Variants in MAP3K13 observed in about 807,000 individuals in gnomAD.
MAP3K13 encodes the protein leucine zipper-bearing kinase.
In MAP3K13, 52 loss-of-function variants were observed where a neutral mutation model predicts 104.0. The ratio of observed to expected loss-of-function variants is 0.50; its 90% confidence interval spans 0.40 to 0.63. The LOEUF is 0.63. Among genes scored for constraint, MAP3K13 ranks in the 20% least tolerant of loss-of-function variants. The pLI is 0.00. For synonymous variants in MAP3K13, 394 were observed against 442.2 expected (o/e 0.89, Z 1.37); for missense variants, 914 against 1,218.5 (o/e 0.75, Z 3.72).
rs1346362529 is a variant in MAP3K13, at chr3:185,455,805, TGA to T, written c.1278+4413_1278+4414del. 5.8e-5 allele frequency among the ~76,000 whole-genome samples: 7 copies of T among 121,508 alleles called. 1 individual carries two copies. The highest frequency in any genetic ancestry group is 2.2e-4 in the African/African-American group (7 of 32,542). 79.7% of individuals were successfully genotyped at this position (121,508 alleles called of 152,430 possible). A position where few individuals can be genotyped will look rare whatever the true frequency, so the allele number is the denominator to read the frequency against. ...ATATGAGATATATATATGAGATATATGAGATATATATATGAGATATATATGAG... is the reference window on the plus strand; with the variant it reads ...ATATGAGATATATATATGAGATATATGATATATATATGAGATATATATGAG... On this transcript the variant is annotated intron_variant, in intron 7 of 13. Transcript: ENST00000265026.
intron 1 of MAP3K13, among the ~76,000 whole-genome samples, chr3:185,284,023 C>A (rs1455991827): frequency 1.3e-5 from 2 of 151,522 alleles, no homozygotes; most frequent in Non-Finnish European, 2.9e-5. Flanking sequence ...CTCAGCCTCC[C>A]GAGTAGCTGG....
upstream of MAP3K13, among the ~76,000 whole-genome samples, chr3:185,359,739 C>G (rs892795595): frequency 2.6e-5 from 4 of 152,048 alleles, no homozygotes; most frequent in African/African-American, 4.8e-5. Flanking sequence ...GATTTGAGCC[C>G]AGATCTCTTT....
At chr3:185,335,665 T>C (rs1440713507) in intron 2 of MAP3K13, among the ~76,000 whole-genome samples, 10 of 152,232 alleles carry the variant, frequency 6.6e-5, no homozygotes, top group Non-Finnish European at 1.5e-5. Context: ...CCTATGCACA[T>C]CCTCTCATAT....
intron 1 of MAP3K13, among the ~76,000 whole-genome samples, chr3:185,411,395 C>G (rs887953584): frequency 6.6e-6 from 1 of 152,186 alleles, no homozygotes; most frequent in African/African-American, 2.4e-5. Flanking sequence ...GCACACAGTT[C>G]TAACATGTTT....
At chr3:185,416,915 G>A (rs1387960092) in intron 1 of MAP3K13, among the ~76,000 whole-genome samples, 1 of 151,564 alleles carries the variant, frequency 6.6e-6, no homozygotes, top group African/African-American at 2.4e-5. Context: ...GAGCCACCTT[G>A]CCCAGCTATA....
intron 2 of MAP3K13, among the ~76,000 whole-genome samples, chr3:185,295,682 A>T (rs567313310): frequency 1.5e-5 from 1 of 64,608 alleles, no homozygotes; most frequent in Non-Finnish European, 3.8e-5. Flanking sequence ...TCATTCTGTC[A>T]TAAATCACCC....
intron 2 of MAP3K13, among the ~76,000 whole-genome samples, chr3:185,321,188 T>G (rs557923100): frequency 1.4e-4 from 21 of 149,834 alleles, no homozygotes; most frequent in African/African-American, 4.5e-4. Context: ...CATATACACA[T>G]GTGTATATTA....
At chr3:185,455,493 T>C (rs1716517892) in intron 7 of MAP3K13, among the ~76,000 whole-genome samples, 1 of 52,496 alleles carries the variant, frequency 1.9e-5, no homozygotes, top group Non-Finnish European at 3.7e-5. Context: ...ATATGAGATA[T>C]ATACATGAGA....
intron 7 of MAP3K13, among the ~76,000 whole-genome samples, chr3:185,457,075 C>T (rs1181009915): frequency 2.0e-5 from 3 of 152,138 alleles, no homozygotes; most frequent in Non-Finnish European, 2.9e-5. Flanking sequence ...CTTCTGAAGC[C>T]AGTCACACAT....
At chr3:185,348,538 C>G (rs1723017527) in intron 2 of MAP3K13, among the ~76,000 whole-genome samples, 1 of 152,184 alleles carries the variant, frequency 6.6e-6, no homozygotes, top group South Asian at 2.1e-4. Context: ...GCAACACTAC[C>G]ATAGGGGACC....
chr3:185,313,269 GTT>G (rs34876743), intron 2 of MAP3K13, among the ~76,000 whole-genome samples: 12,433 of 116,706 alleles, frequency 0.11, 655 homozygotes, highest in East Asian at 0.21. Flanking sequence ...AATAGTACAA[GTT>G]TTTTTTTTTT....
chr3:185,352,867 TG>T (rs1239818161), intron 2 of MAP3K13, among the ~76,000 whole-genome samples: 1 of 152,238 alleles, frequency 6.6e-6, no homozygotes, highest in African/African-American at 2.4e-5. Flanking sequence ...CAGACTGGAT[TG>T]GAACCTATGA....
Position 185,455,716 on chromosome 3 carries a change from G to GATATATATATGAT in MAP3K13, c.1278+4329_1278+4330insATGATATATATAT, listed in dbSNP as rs375658483. On this transcript the variant is annotated intron_variant, in intron 7 of 13. Coordinates refer to ENST00000265026, the MANE Select transcript of MAP3K13 (RefSeq NM_004721.5). ...TGATATATATATGAGATATATATGA[G>GATATATATATGAT]ATATATATGATATATATATGAGATA... Among the ~76,000 whole-genome samples the GATATATATATGAT allele has an allele frequency of 1.2e-3, 13 of 10,908 alleles. 2 individuals carry two copies. The highest frequency in any genetic ancestry group is 1.8e-3 in the Admixed American group (1 of 562). The allele number at this position is 10,908 out of a possible 152,430, so 7.2% of individuals were successfully genotyped here. A position where few individuals can be genotyped will look rare whatever the true frequency, so the allele number is the denominator to read the frequency against.
rs759329343 is a variant in MAP3K13, at chr3:185,454,636, TGA to T, written c.1278+3244_1278+3245del. 9.7e-3 allele frequency among the ~76,000 whole-genome samples: 491 copies of T among 50,698 alleles called. 42 individuals are homozygous for T. Among genetic ancestry groups the T allele is most frequent in the African/African-American group, 0.022 (337 of 15,254 alleles). The allele number at this position is 50,698 out of a possible 152,430, so 33.3% of individuals were successfully genotyped here. The stretch of plus-strand genomic sequence containing the variant: ...ATGATATATATATGAGATATATATA[TGA>T]GATATATATATGATATATATATGAT... On this transcript the variant is annotated intron_variant, in intron 7 of 13. Coordinates refer to ENST00000265026, the MANE Select transcript of MAP3K13 (RefSeq NM_004721.5).
At chr3:185,390,637 T>C (rs1711987464) in intron 1 of MAP3K13, among the ~76,000 whole-genome samples, 1 of 139,394 alleles carries the variant, frequency 7.2e-6, no homozygotes, top group Admixed American at 7.3e-5. Flanking sequence ...TTTTTTTTTT[T>C]TTTTTGAGAC....
chr3:185,432,283 T>C (rs1322809033), intron 2 of MAP3K13, among the ~76,000 whole-genome samples: 2 of 148,838 alleles, frequency 1.3e-5, no homozygotes, highest in African/African-American at 4.9e-5. Flanking sequence ...CTCTGCCTTC[T>C]GGGTTCGAGC....
At chr3:185,458,511 T>C (rs536473576) in intron 7 of MAP3K13, among the ~76,000 whole-genome samples, 1 of 152,322 alleles carries the variant, frequency 6.6e-6, no homozygotes, top group East Asian at 1.9e-4. Context: ...TTTGGGTTGT[T>C]AGATTCTGGA....
chr3:185,346,696 T>C (rs982743314), intron 2 of MAP3K13, among the ~76,000 whole-genome samples: 2 of 152,198 alleles, frequency 1.3e-5, no homozygotes, highest in African/African-American at 2.4e-5. Flanking sequence ...GGTCAAAAGA[T>C]ATCTACATTT....
intron 2 of MAP3K13, among the ~76,000 whole-genome samples, chr3:185,287,234 G>C (rs1720549839): frequency 6.6e-6 from 1 of 152,190 alleles, no homozygotes; most frequent in South Asian, 2.1e-4. Flanking sequence ...TAGTATTGCA[G>C]TGGCATAGTT....
Sources: gnomAD v4.1 joint callset for allele counts (sites outside exome capture counted in the v4.1 genomes callset) on GRCh38, gnomAD v4.1.1 for gene constraint, MANE v1.5 for transcripts, NCBI Gene and HGNC (gene_info 2026-07-23, HGNC 2026-07-21) for gene names.